Variants in UBE2H observed in about 807,000 individuals in gnomAD.
UBE2H encodes the protein ubiquitin-conjugating enzyme E2 H.
Under a neutral mutation model 29.0 loss-of-function variants are expected in UBE2H, and 3 were observed. That is an observed-to-expected ratio of 0.10 (90% CI 0.05 to 0.27). The LOEUF is 0.27. Among genes scored for constraint, UBE2H ranks in the 10% least tolerant of loss-of-function variants. The pLI is 1.00. For missense variants in UBE2H, 68 were observed against 228.2 expected (o/e 0.30, Z 4.52); for synonymous variants, 69 against 82.9 (o/e 0.83, Z 0.91).
Position 129,916,973 on chromosome 7 carries a change from C to A in UBE2H, c.53+35530G>T, listed in dbSNP as rs188485901. Among the ~76,000 whole-genome samples, 82 of 147,828 alleles carry A rather than the reference C, an allele frequency of 5.5e-4. 1 individual carries two copies. The East Asian group carries it at 0.014, about 25-fold the overall frequency. ...AATGGCGTGAACCTGGGAGGCGGAG[C>A]TTGCAGTGAGCCGAGATCACACCAC... On this transcript the variant is annotated intron_variant, in intron 1 of 6. Coordinates refer to ENST00000355621, the MANE Select transcript of UBE2H (RefSeq NM_003344.4).
At chr7:129,875,226 C>T (rs894994267) in intron 3 of UBE2H, among the ~76,000 whole-genome samples, 1 of 152,132 alleles carries the variant, frequency 6.6e-6, no homozygotes, top group South Asian at 2.1e-4. Flanking sequence ...CTATGGATAA[C>T]ATCAATAGTT....
At chr7:129,920,386 G>A (rs1174200732) in intron 1 of UBE2H, among the ~76,000 whole-genome samples, 3 of 151,908 alleles carry the variant, frequency 2.0e-5, no homozygotes, top group South Asian at 2.1e-4. Context: ...TTATGACACT[G>A]TATATAACGG....
intron 5 of UBE2H, among the ~76,000 whole-genome samples, chr7:129,847,919 C>T (rs1052330170): frequency 3.3e-5 from 5 of 152,208 alleles, no homozygotes; most frequent in African/African-American, 1.2e-4. Context: ...CCAGAAATGT[C>T]TCTAGTTTTT....
chr7:129,853,725 A>T (rs1263230994), intron 5 of UBE2H, among the ~76,000 whole-genome samples: 4 of 152,254 alleles, frequency 2.6e-5, no homozygotes, highest in Non-Finnish European at 5.9e-5. Flanking sequence ...CAACTGGCTT[A>T]CCAGAAATCA....
chr7:129,872,399 C>A (rs1000059125), intron 3 of UBE2H, among the ~76,000 whole-genome samples: 4 of 151,896 alleles, frequency 2.6e-5, no homozygotes, highest in Middle Eastern at 3.2e-3. Flanking sequence ...TTTAGTCATG[C>A]CATATTATAA....
intron 5 of UBE2H, among the ~76,000 whole-genome samples, chr7:129,856,279 A>T (rs567465480): frequency 1.3e-5 from 2 of 152,312 alleles, no homozygotes; most frequent in African/African-American, 4.8e-5. Context: ...AGAAGCAGCC[A>T]TCCCTGGTTA....
At chr7:129,891,975 C>G (rs532042688) in intron 1 of UBE2H, among the ~76,000 whole-genome samples, 9 of 110,846 alleles carry the variant, frequency 8.1e-5, no homozygotes, top group African/African-American at 2.9e-4. Flanking sequence ...TTTTTTGAGA[C>G]GGAGTCTTGC....
intron 1 of UBE2H, among the ~76,000 whole-genome samples, chr7:129,941,156 T>C (rs924987674): frequency 1.2e-4 from 19 of 152,222 alleles, no homozygotes; most frequent in African/African-American, 4.3e-4. Context: ...GGTTTCACCA[T>C]GTTGCCCAGG....
intron 1 of UBE2H, among the ~76,000 whole-genome samples, chr7:129,906,719 C>T (rs554269813): frequency 2.9e-4 from 44 of 152,088 alleles, no homozygotes; most frequent in African/African-American, 5.3e-4. Context: ...TTCAGAATAC[C>T]GTAACATGGC....
In UBE2H at chr7:129,904,253, T is replaced by C. The variant is rs79873817; in HGVS notation, c.54-23282A>G. On this transcript the variant is annotated intron_variant, in intron 1 of 6. Coordinates refer to ENST00000355621, the MANE Select transcript of UBE2H (RefSeq NM_003344.4). ...GCCCTGATTTCCCTGTTTTGACAGA[T>C]AGCTTGCTGATTCTTATCCTTTAAG... Among the ~76,000 whole-genome samples, 487 of 152,288 alleles carry C rather than the reference T, an allele frequency of 3.2e-3. 3 individuals are homozygous for C. Among genetic ancestry groups the C allele is most frequent in the African/African-American group, 0.011 (469 of 41,580 alleles).
At chr7:129,867,297 C>T (rs1037753084) in intron 3 of UBE2H, among the ~76,000 whole-genome samples, 4 of 150,928 alleles carry the variant, frequency 2.7e-5, no homozygotes, top group African/African-American at 9.8e-5. Flanking sequence ...TTGGAACCAA[C>T]CCAAATGTCC....
At chr7:129,932,865 A>G (rs564882805) in intron 1 of UBE2H, among the ~76,000 whole-genome samples, 17 of 151,716 alleles carry the variant, frequency 1.1e-4, no homozygotes, top group Admixed American at 2.0e-4. Flanking sequence ...ATAATGAATC[A>G]ATATTACTAT....
intron 1 of UBE2H, among the ~76,000 whole-genome samples, chr7:129,910,621 C>A (rs12537604): frequency 0.062 from 9,485 of 152,126 alleles, 354 homozygotes; most frequent in Non-Finnish European, 0.091. Context: ...CAGTATCATG[C>A]CTGTAATCCC....
intron 3 of UBE2H, among the ~76,000 whole-genome samples, chr7:129,863,133 A>G (rs1317381115): frequency 6.6e-6 from 1 of 152,252 alleles, no homozygotes; most frequent in Non-Finnish European, 1.5e-5. Context: ...CTTGGAATTA[A>G]CAGTGTCTAT....
At chr7:129,859,768 C>A (rs2116320214) in intron 3 of UBE2H, among the ~76,000 whole-genome samples, 1 of 151,774 alleles carries the variant, frequency 6.6e-6, no homozygotes, top group South Asian at 2.1e-4. Context: ...CTTATCACTT[C>A]ATTTCCTTTT....
intron 1 of UBE2H, among the ~76,000 whole-genome samples, chr7:129,894,226 G>A (rs1806556170): frequency 6.6e-6 from 1 of 152,132 alleles, no homozygotes; most frequent in Non-Finnish European, 1.5e-5. Context: ...GGTGAAAGCA[G>A]GCAGATCTTT....
chr7:129,899,623 T>C (rs896680042), intron 1 of UBE2H, among the ~76,000 whole-genome samples: 1 of 152,292 alleles, frequency 6.6e-6, no homozygotes, highest in Middle Eastern at 3.4e-3. Flanking sequence ...CTTACTAAGA[T>C]ATGAAGCACC....
chr7:129,890,359 A>C (rs914760478), intron 1 of UBE2H, among the ~76,000 whole-genome samples: 1 of 151,686 alleles, frequency 6.6e-6, no homozygotes, highest in East Asian at 1.9e-4. Context: ...GTATATATAC[A>C]CATATATATA....
intron 1 of UBE2H, among the ~76,000 whole-genome samples, chr7:129,919,100 TAAAAAAAAAAAA>T (rs1204331286): frequency 1.4e-5 from 1 of 72,186 alleles, no homozygotes; most frequent in East Asian, 5.1e-4. Context: ...AAAAACAAAG[TAAAAAAAAAAAA>T]AAAAAAAAAG....
Sources: allele counts gnomAD v4.1 joint callset (sites outside exome capture counted in the v4.1 genomes callset), GRCh38; gene constraint gnomAD v4.1.1; transcripts MANE v1.5; gene names NCBI Gene and HGNC (gene_info 2026-07-23, HGNC 2026-07-21).